Variants in RALGPS1 observed in about 807,000 individuals in gnomAD.
RALGPS1 encodes ras-specific guanine nucleotide-releasing factor RalGPS1.
Under a neutral mutation model 78.8 loss-of-function variants are expected in RALGPS1, and 19 were observed. The ratio of observed to expected loss-of-function variants is 0.24; its 90% CI spans 0.17 to 0.35. The LOEUF is 0.35. RALGPS1 is among the 10% of genes least tolerant of loss of function. RALGPS1 has a pLI of 1.00. For synonymous variants in RALGPS1, 228 were observed against 256.3 expected (o/e 0.89, Z 1.06); for missense variants, 454 against 688.3 (o/e 0.66, Z 3.81).
intron 1 of RALGPS1, among the ~76,000 whole-genome samples, chr9:126,952,202 A>T (rs1449189178): frequency 6.6e-6 from 1 of 152,162 alleles, no homozygotes; most frequent in African/African-American, 2.4e-5. Context: ...CTCTTTACTG[A>T]GCACTGCTGA....
intron 5 of RALGPS1, among the ~76,000 whole-genome samples, chr9:127,039,804 G>A (rs189074545): frequency 6.6e-6 from 1 of 152,164 alleles, no homozygotes; most frequent in Admixed American, 6.5e-5. Context: ...GGAGTGGGGC[G>A]AGAAGATTGA....
rs2140909096 is a variant in RALGPS1 at position 127,205,474 on chromosome 9, CT to C, written c.1247+6409del. ...AGAGAGAAGAGTGCACAAAGAACCCCTGGCCTCTAGGTGCCAGGGCTTTTTG... is the reference window on the plus strand; with the variant it reads ...AGAGAGAAGAGTGCACAAAGAACCCCGGCCTCTAGGTGCCAGGGCTTTTTG... On this transcript the variant is annotated intron_variant, in intron 14 of 18. Coordinates refer to ENST00000259351, the MANE Select transcript of RALGPS1 (RefSeq NM_014636.3). This position sits in a 1 kb window ranked among gnomAD's most constrained non-coding sequence, Gnocchi z 4.0. Among the ~76,000 whole-genome samples the C allele has an allele frequency of 6.6e-6, 1 of 152,358 alleles. No individual in the cohort carries two copies. The highest frequency in any genetic ancestry group is 2.1e-4 in the South Asian group (1 of 4,828).
In RALGPS1 at chr9:127,183,891, A is replaced by G. The variant is rs1416680879; in HGVS notation, c.910+9109A>G. The G allele has an allele frequency of 1.3e-6, 2 of 1,550,042 alleles. No homozygotes were observed. Among genetic ancestry groups the G allele is most frequent in the Non-Finnish European group, 1.7e-6 (2 of 1,146,968 alleles). On this transcript the variant is annotated intron_variant, in intron 11 of 18. Transcript: ENST00000259351. This position sits in a 1 kb window ranked among gnomAD's most constrained non-coding sequence, Gnocchi z 4.0. ...GTCTCCCATCTCAGCAGCCTGTCACATCAAGGTCAAGCAGAAGAGGCAAGA... is the reference window on the plus strand; with the variant it reads ...GTCTCCCATCTCAGCAGCCTGTCACGTCAAGGTCAAGCAGAAGAGGCAAGA...
At chr9:127,004,333 A>T (rs1447738960) in intron 4 of RALGPS1, among the ~76,000 whole-genome samples, 1 of 152,176 alleles carries the variant, frequency 6.6e-6, no homozygotes, top group Non-Finnish European at 1.5e-5. Flanking sequence ...TTTAGTAGAG[A>T]CAGTGTTTCG....
chr9:127,146,542 C>CTTTTTTTTTTTTTTTTTTTTTTTTTTT (rs60707997), intron 8 of RALGPS1, among the ~76,000 whole-genome samples: 2 of 130,846 alleles, frequency 1.5e-5, no homozygotes, highest in African/African-American at 5.7e-5. Flanking sequence ...GTGCATGTGT[C>CTTTTTTTTTTTTTTTTTTTTTTTTTTT]TTTTTTTTTT....
intron 8 of RALGPS1, among the ~76,000 whole-genome samples, chr9:127,150,230 C>T (rs963611715): frequency 6.6e-6 from 1 of 152,204 alleles, no homozygotes; most frequent in Non-Finnish European, 1.5e-5. Flanking sequence ...ATTCTCCCAC[C>T]CCATGCTCTG....
chr9:127,067,550 C>T (rs192393368), intron 7 of RALGPS1, among the ~76,000 whole-genome samples: 1 of 152,342 alleles, frequency 6.6e-6, no homozygotes, highest in African/African-American at 2.4e-5. Context: ...AGGAACTGCA[C>T]TGCTTCCCCA....
intron 1 of RALGPS1, among the ~76,000 whole-genome samples, chr9:126,944,264 A>G (rs978504663): frequency 1.2e-4 from 18 of 152,226 alleles, no homozygotes; most frequent in African/African-American, 4.3e-4. Flanking sequence ...GGCCTTGAAT[A>G]GGTGATGATC....
chr9:127,175,418 G>C (rs1045561696), intron 11 of RALGPS1, among the ~76,000 whole-genome samples: 2 of 152,182 alleles, frequency 1.3e-5, no homozygotes, highest in Non-Finnish European at 2.9e-5. Context: ...AAAGTGCTCT[G>C]CTCACACTGA....
chr9:126,985,490 G>T (rs531870790), intron 4 of RALGPS1, among the ~76,000 whole-genome samples: 4 of 152,216 alleles, frequency 2.6e-5, no homozygotes, highest in Admixed American at 2.6e-4. Context: ...TTATAGAGTT[G>T]TTACTTAATT....
At position 127,178,858 on chromosome 9, in the gene RALGPS1, G is replaced by GCCC. The variant is rs2060042924; in HGVS notation, c.910+4077_910+4078insCCC. Among the ~76,000 whole-genome samples, 4 of 152,226 alleles carry GCCC rather than the reference G, an allele frequency of 2.6e-5. No individual in the cohort carries two copies. In the South Asian group the frequency reaches 8.3e-4, roughly 31 times the overall value. On this transcript the variant is annotated intron_variant, in intron 11 of 18. Coordinates refer to ENST00000259351, the MANE Select transcript of RALGPS1 (RefSeq NM_014636.3). ...GCTCCTTCCTGCAACTGGCCCTCAT[G>GCCC]CTCCTCCGTGGCACTTCCTTCTGCA...
At chr9:127,119,029 A>G (rs1225748899) in intron 8 of RALGPS1, among the ~76,000 whole-genome samples, 2 of 152,308 alleles carry the variant, frequency 1.3e-5, no homozygotes, top group Non-Finnish European at 2.9e-5. Flanking sequence ...TCTTAGTCAC[A>G]TGGACCAGTG....
chr9:127,088,927 G>T (rs377418491), intron 8 of RALGPS1: 3 of 1,614,202 alleles, frequency 1.9e-6, no homozygotes, highest in Admixed American at 1.7e-5. Context: ...GAGGTCAGGA[G>T]GGGGAGCTGG....
intron 8 of RALGPS1, among the ~76,000 whole-genome samples, chr9:127,116,185 C>G (rs1484723588): frequency 6.6e-6 from 1 of 152,112 alleles, no homozygotes; most frequent in African/African-American, 2.4e-5. Context: ...GACAGATTTG[C>G]CTGGAGGAGT....
Position 127,183,849 on chromosome 9 carries a change from A to G in RALGPS1, c.910+9067A>G, listed in dbSNP as rs1209617547. ...GTGGCCCATTACTCTGGGATTTCACATCTCCTTTGTTCTTGAGTCTCCCAT... is the reference window on the plus strand; with the variant it reads ...GTGGCCCATTACTCTGGGATTTCACGTCTCCTTTGTTCTTGAGTCTCCCAT... On this transcript the variant is annotated intron_variant, in intron 11 of 18. Transcript: ENST00000259351. The surrounding 1 kb of genome is among the most constrained non-coding windows in gnomAD (Gnocchi z 4.0). 9 of 1,539,888 alleles carry G rather than the reference A, an allele frequency of 5.8e-6. No homozygotes were observed. The highest frequency in any genetic ancestry group is 7.9e-6 in the Non-Finnish European group (9 of 1,141,552).
At chr9:126,999,340 A>G (rs2043072570) in intron 4 of RALGPS1, among the ~76,000 whole-genome samples, 1 of 152,080 alleles carries the variant, frequency 6.6e-6, no homozygotes, top group South Asian at 2.1e-4. Context: ...ATCATCACCC[A>G]AAGTCCATAG....
chr9:126,931,477 T>A (rs1398096293), intron 1 of RALGPS1, among the ~76,000 whole-genome samples: 1 of 152,212 alleles, frequency 6.6e-6, no homozygotes, highest in Non-Finnish European at 1.5e-5. Flanking sequence ...CTAATATGGA[T>A]AAACCTTGAA....
chr9:126,982,527 G>T (rs1184508562), intron 4 of RALGPS1, among the ~76,000 whole-genome samples: 2 of 152,194 alleles, frequency 1.3e-5, no homozygotes, highest in African/African-American at 4.8e-5. Context: ...ATTTTTGAAC[G>T]TGTAGTGCAT....
chr9:127,200,862 A>AG (rs1257954420), intron 14 of RALGPS1, among the ~76,000 whole-genome samples: 1 of 152,260 alleles, frequency 6.6e-6, no homozygotes, highest in African/African-American at 2.4e-5. Context: ...CAAATGGCAA[A>AG]CAGAGGCACA....
Sources: allele counts gnomAD v4.1 joint callset (sites outside exome capture counted in the v4.1 genomes callset), GRCh38; gene constraint gnomAD v4.1.1; non-coding constraint Gnocchi (gnomAD v3.1); transcripts MANE v1.5; gene names NCBI Gene and HGNC (gene_info 2026-07-23, HGNC 2026-07-21).